MEX3A: variants seen among roughly 807,000 people sequenced by gnomAD.
The protein encoded by MEX3A is RNA-binding protein MEX3A.
In MEX3A, 4 loss-of-function variants were observed where a neutral mutation model predicts 30.0. The ratio of observed to expected loss-of-function variants is 0.13; its 90% CI spans 0.07 to 0.30. The LOEUF (loss-of-function observed/expected upper bound fraction) is 0.30. MEX3A is among the 10% of genes least tolerant of loss of function. The pLI, the probability that MEX3A is intolerant of heterozygous loss-of-function variation, is 1.00. For missense variants in MEX3A, 555 were observed against 736.7 expected (o/e 0.75, Z 2.86); for synonymous variants, 335 against 327.6 (o/e 1.02, Z -0.24).
Position 156,072,703 on chromosome 1 carries a change from T to C in MEX3A, c.*3871A>G, listed in dbSNP as rs557685809. On this transcript the variant is annotated 3_prime_UTR_variant, in exon 2 of 2. Coordinates refer to ENST00000532414, the MANE Select transcript of MEX3A (RefSeq NM_001093725.2). ...AGGCCAGGGTACAGTAGATGACCCC[T>C]ACCTGAACACATATAGATGGAGGTG... The C allele has an allele frequency of 8.5e-5, 13 of 152,906 alleles. No individual in the cohort carries two copies. Among genetic ancestry groups the C allele is most frequent in the African/African-American group, 2.9e-4 (12 of 41,582 alleles). 9.5% of individuals were successfully genotyped at this position (152,906 alleles called of 1,614,324 possible). A position where few individuals can be genotyped will look rare whatever the true frequency, so the allele number is the denominator to read the frequency against.
Position 156,073,716 on chromosome 1 carries a change from TTC to T in MEX3A, c.*2856_*2857del, listed in dbSNP as rs1431129126. ...TTAAACCCCTCGGTTTCTCTTTTTC[TTC>T]TCTTTCTCTCTTGTTTTTGGTTAAA... On this transcript the variant is annotated 3_prime_UTR_variant, in exon 2 of 2. Transcript: ENST00000532414. 2.0e-5 allele frequency: 3 copies of T among 152,206 alleles called. No individual in the cohort carries two copies. Among genetic ancestry groups the T allele is most frequent in the South Asian group, 2.1e-4 (1 of 4,830 alleles). 9.4% of individuals were successfully genotyped at this position (152,206 alleles called of 1,614,324 possible). A position where few individuals can be genotyped will look rare whatever the true frequency, so the allele number is the denominator to read the frequency against.
At position 156,076,937 on chromosome 1, in the gene MEX3A, G is replaced by A. The variant is rs770964794; in HGVS notation, c.1200C>T (p.Pro400=). 6.2e-7 allele frequency: 1 copy of A among 1,603,836 alleles called. No homozygotes were observed. Among genetic ancestry groups the A allele is most frequent in the Non-Finnish European group, 8.5e-7 (1 of 1,175,232 alleles). ...AGGCAGAGGAGAAGAGCACGGAGGT[G>A]GGCGTGGCGTTCTCCTGGCCCGCCC... ...PLWAGQENAT[P]TSVLFSSASS... is the part of the protein sequence containing the mutation. The change falls in exon 2 of 2, where the codon CCC becomes CCT. Residue 400 remains proline, a synonymous_variant. Transcript: ENST00000532414. This position sits in a 1 kb window ranked among gnomAD's most constrained non-coding sequence, Gnocchi z 6.0.
At position 156,081,770 on chromosome 1, in the gene MEX3A, G is replaced by T. The variant is rs1558102661; in HGVS notation, c.229C>A (p.Pro77Thr). 8.7e-6 allele frequency: 7 copies of T among 804,932 alleles called. No homozygotes were observed. Among genetic ancestry groups the T allele is most frequent in the Non-Finnish European group, 1.1e-5 (7 of 663,328 alleles). 49.9% of individuals were successfully genotyped at this position (804,932 alleles called of 1,614,324 possible). A position where few individuals can be genotyped will look rare whatever the true frequency, so the allele number is the denominator to read the frequency against. The change falls in exon 1 of 2, where the codon CCG becomes ACG. Residue 77 changes from proline to threonine, a missense_variant. This residue lies in a region of MEX3A where 159 missense variants were observed against 159.9 expected (regional missense o/e 0.99). Transcript: ENST00000532414. ...GGCGGCGGCGGCGGGGCCGGCTGCGGGGGGGCGGCCGGCTGCGCGGGGGCG... is the reference window on the plus strand; with the variant it reads ...GGCGGCGGCGGCGGGGCCGGCTGCGTGGGGGCGGCCGGCTGCGCGGGGGCG... ...GGAPAQPAAP[P>T]QPAPPPPPAA...
In MEX3A at chr1:156,076,816, G is replaced by A; in HGVS notation, c.1321C>T (p.Pro441Ser). Residue 441 changes from proline (P) to serine (S), a missense_variant, in exon 2 of 2, where the codon CCG (proline) becomes TCG (serine). Pro to Ser is a moderately conservative substitution (Grantham distance 74). Coordinates refer to ENST00000532414, the MANE Select transcript of MEX3A (RefSeq NM_001093725.2). The surrounding 1 kb of genome is among the most constrained non-coding windows in gnomAD (Gnocchi z 6.0). ...TSAGPELAGL[P>S]RRPPGEPLQG... ...AGCGGCTCTCCCGGGGGGCGCCTCG[G>A]GAGTCCGGCCAGCTCGGGTCCCGCG... The A allele has an allele frequency of 1.9e-6, 3 of 1,555,166 alleles. No homozygotes were observed. Among genetic ancestry groups the A allele is most frequent in the Non-Finnish European group, 2.6e-6 (3 of 1,149,642 alleles).
rs1648006639 is a variant in MEX3A, at chr1:156,074,569, T to C, written c.*2005A>G. The C allele has an allele frequency of 6.5e-6, 1 of 152,862 alleles. No individual in the cohort carries two copies. Among genetic ancestry groups the C allele is most frequent in the African/African-American group, 2.4e-5 (1 of 41,560 alleles). 9.5% of individuals were successfully genotyped at this position (152,862 alleles called of 1,614,324 possible). A position where few individuals can be genotyped will look rare whatever the true frequency, so the allele number is the denominator to read the frequency against. ...TTGGTAAGGGTGGGATTGAATTTGC[T>C]GAGCCCCCTAGTGTAACAGTCTTCT... On this transcript the variant is annotated 3_prime_UTR_variant, in exon 2 of 2. Transcript: ENST00000532414.
chr1:156,077,182 C>A lies in MEX3A; in HGVS notation c.955G>T (p.Asp319Tyr), dbSNP rs1167253627. 6.2e-7 allele frequency: 1 copy of A among 1,613,360 alleles called. No individual in the cohort carries two copies. Among genetic ancestry groups the A allele is most frequent in the Non-Finnish European group, 8.5e-7 (1 of 1,179,840 alleles). Residue 319 changes from aspartate (D) to tyrosine (Y), a missense_variant, in exon 2 of 2, where the codon GAC becomes TAC. Around this residue, in one of 6 missense-constraint regions of MEX3A, gnomAD observed 281 missense variants for 265.1 expected, o/e 1.06. Transcript: ENST00000532414. This position sits in a 1 kb window ranked among gnomAD's most constrained non-coding sequence, Gnocchi z 8.3. ...PDAAIDSRYS[D>Y]AWRVHQPGCK... ...CCGGGCTGGTGCACCCGCCAGGCGT[C>A]GGAGTAGCGGCTATCGATTGCTGCG...
At chr1:156,081,499 G>A (rs1267807155) in intron 1 of MEX3A, 46 bp downstream of exon 1, 1 of 1,507,554 alleles carries the variant, frequency 6.6e-7, no homozygotes, top group Non-Finnish European at 9.1e-7. Flanking sequence ...AGGGACGAGG[G>A]TGCCCCCACT....
At position 156,077,168 on chromosome 1, in the gene MEX3A, C is replaced by A; in HGVS notation, c.969G>T (p.Val323=). 1 of 1,613,440 alleles carries A rather than the reference C, an allele frequency of 6.2e-7. No individual in the cohort carries two copies. The highest frequency in any genetic ancestry group is 8.5e-7 in the Non-Finnish European group (1 of 1,179,824). Residue 323 remains valine (V), a synonymous_variant, in exon 2 of 2, where the codon GTG becomes GTT. Coordinates refer to ENST00000532414, the MANE Select transcript of MEX3A (RefSeq NM_001093725.2). This position sits in a 1 kb window ranked among gnomAD's most constrained non-coding sequence, Gnocchi z 8.3. ...AGAGGGGCTTGCAGCCGGGCTGGTG[C>A]ACCCGCCAGGCGTCGGAGTAGCGGC... ...IDSRYSDAWR[V]HQPGCKPLST... is the part of the protein sequence containing the mutation.
rs551750649 is a variant in MEX3A, at chr1:156,080,632, C to T, written c.454+913G>A. ...GCTCAATTTGGACCTTCACCAACAC[C>T]CCCACTCACCCACCCAGGGATGCTG... On this transcript the variant is annotated intron_variant, in intron 1 of 1. Transcript: ENST00000532414. Among the ~76,000 whole-genome samples the T allele has an allele frequency of 5.3e-5, 8 of 152,216 alleles. No homozygotes were observed. In the South Asian group the frequency reaches 1.4e-3, roughly 28 times the overall value.
At position 156,073,675 on chromosome 1, in the gene MEX3A, G is replaced by A. The variant is rs1218337028; in HGVS notation, c.*2899C>T. On this transcript the variant is annotated 3_prime_UTR_variant, in exon 2 of 2. Transcript: ENST00000532414. ...TATTATTATTAATAATTATTATTTT[G>A]TAGTATTCTTTTCTTTTAAACCCCT... 1 of 151,686 alleles carries A rather than the reference G, an allele frequency of 6.6e-6. No homozygotes were observed. The highest frequency in any genetic ancestry group is 1.9e-4 in the East Asian group (1 of 5,182). 9.4% of individuals were successfully genotyped at this position (151,686 alleles called of 1,614,324 possible).
chr1:156,082,062 AGAG>A lies in MEX3A; in HGVS notation c.-67_-65del. 1.8e-6 allele frequency: 1 copy of A among 544,118 alleles called. No individual in the cohort carries two copies. 33.7% of individuals were successfully genotyped at this position (544,118 alleles called of 1,614,324 possible). A position where few individuals can be genotyped will look rare whatever the true frequency, so the allele number is the denominator to read the frequency against. ...AGAGAGAGAGGTGGTGGAAGGGAAA[AGAG>A]GAGAGAGGAGGGGAGGGGAGAGGAG... On this transcript the variant is annotated 5_prime_UTR_variant, in exon 1 of 2. Coordinates refer to ENST00000532414, the MANE Select transcript of MEX3A (RefSeq NM_001093725.2).
intron 1 of MEX3A, among the ~76,000 whole-genome samples, chr1:156,078,996 C>T (rs1251968414): frequency 6.6e-6 from 1 of 152,148 alleles, no homozygotes; most frequent in Non-Finnish European, 1.5e-5. Context: ...CATATAGACC[C>T]ACTCACACCC....
In MEX3A at chr1:156,081,673, C is replaced by T; in HGVS notation, c.326G>A (p.Gly109Glu). Reference sequence around the variant, plus strand: ...AGCGCAGAGCTTGGCGTCGCTCGCCCCTTTGGGGGCGGTGGGGGGCTGGGG... The same window carrying T: ...AGCGCAGAGCTTGGCGTCGCTCGCCTCTTTGGGGGCGGTGGGGGGCTGGGG... Reference protein sequence around the residue: ...QTPQPPTAPKGASDAKLCALY... With the variant: ...QTPQPPTAPKEASDAKLCALY... The change falls in exon 1 of 2, where the codon GGG becomes GAG. Residue 109 changes from glycine to glutamate, a missense_variant. Gly to Glu is a moderately conservative substitution (Grantham distance 98). Around this residue, in one of 6 missense-constraint regions of MEX3A, gnomAD observed 159 missense variants for 159.9 expected, o/e 0.99. Coordinates refer to ENST00000532414, the MANE Select transcript of MEX3A (RefSeq NM_001093725.2). 1 of 1,490,600 alleles carries T rather than the reference C, an allele frequency of 6.7e-7. No individual in the cohort carries two copies. The highest frequency in any genetic ancestry group is 8.9e-7 in the Non-Finnish European group (1 of 1,120,060). 92.3% of individuals were successfully genotyped at this position (1,490,600 alleles called of 1,614,324 possible). A position where few individuals can be genotyped will look rare whatever the true frequency, so the allele number is the denominator to read the frequency against.
rs761731272 is a variant in MEX3A, at chr1:156,077,695, G to A, written c.455-13C>T. ...TTAATCTTGCAGCCTGGGATAGGGCGGGGAAGGAGAGAGACAAAGAAACGC... is the reference window on the plus strand; with the variant it reads ...TTAATCTTGCAGCCTGGGATAGGGCAGGGAAGGAGAGAGACAAAGAAACGC... On this transcript the variant is annotated splice_polypyrimidine_tract_variant and intron_variant, in intron 1 of 1. Transcript: ENST00000532414. This position sits in a 1 kb window ranked among gnomAD's most constrained non-coding sequence, Gnocchi z 8.3. 7 of 1,563,424 alleles carry A rather than the reference G, an allele frequency of 4.5e-6. No homozygotes were observed. The South Asian group carries it at 7.0e-5, about 16-fold the overall frequency.
rs1409662017 is a variant in MEX3A, at chr1:156,082,017, GGAGAGAGAGA to G, written c.-29_-20del. On this transcript the variant is annotated 5_prime_UTR_variant, in exon 1 of 2. Transcript: ENST00000532414. ...TAGGCATGGCGAAACAAAAGCTGGG[GGAGAGAGAGA>G]GGGAGAGAGAGAGAGAGAGGTGGTG... The G allele has an allele frequency of 7.0e-7, 1 of 1,429,262 alleles. No homozygotes were observed. Among genetic ancestry groups the G allele is most frequent in the Non-Finnish European group, 9.3e-7 (1 of 1,073,936 alleles). The allele number at this position is 1,429,262 out of a possible 1,614,324, so 88.5% of individuals were successfully genotyped here. A position where few individuals can be genotyped will look rare whatever the true frequency, so the allele number is the denominator to read the frequency against.
rs1045511256 is a variant in MEX3A, at chr1:156,074,386, T to C, written c.*2188A>G. ...TAAACGCCTTTATTAAAATAGAATA[T>C]TAAATTATAAAGAACTGCTTTTTTT... On this transcript the variant is annotated 3_prime_UTR_variant, in exon 2 of 2. Transcript: ENST00000532414. The C allele has an allele frequency of 1.4e-4, 21 of 152,134 alleles. No individual in the cohort carries two copies. The highest frequency in any genetic ancestry group is 2.9e-4 in the Non-Finnish European group (20 of 67,952). The allele number at this position is 152,134 out of a possible 1,614,324, so 9.4% of individuals were successfully genotyped here. A position where few individuals can be genotyped will look rare whatever the true frequency, so the allele number is the denominator to read the frequency against.
Position 156,077,254 on chromosome 1 carries a change from T to A in MEX3A, c.883A>T (p.Ile295Phe). The A allele has an allele frequency of 1.2e-6, 2 of 1,613,850 alleles. No individual in the cohort carries two copies. Among genetic ancestry groups the A allele is most frequent in the Non-Finnish European group, 8.5e-7 (1 of 1,179,846 alleles). The change falls in exon 2 of 2, where the codon ATC becomes TTC. Residue 295 changes from isoleucine (I) to phenylalanine (F), a missense_variant. Around this residue, in one of 6 missense-constraint regions of MEX3A, gnomAD observed 281 missense variants for 265.1 expected, o/e 1.06. Transcript: ENST00000532414. The surrounding 1 kb of genome is among the most constrained non-coding windows in gnomAD (Gnocchi z 8.3). Reference protein sequence around the residue: ...ETHIAVRTGKILEYNNENDFL... With the variant: ...ETHIAVRTGKFLEYNNENDFL... The stretch of plus-strand genomic sequence containing the variant: ...TCGTTTTCATTGTTGTACTCGAGGA[T>A]CTTGCCAGTGCGCACCGCGATGTGC...
At chr1:156,081,139 G>C (rs1648217924) in intron 1 of MEX3A, among the ~76,000 whole-genome samples, 1 of 152,096 alleles carries the variant, frequency 6.6e-6, no homozygotes, top group Non-Finnish European at 1.5e-5. Context: ...AGGCGGCTGG[G>C]GGCCCCAGGG....
In MEX3A at chr1:156,076,838, C is replaced by G; in HGVS notation, c.1299G>C (p.Ala433=). 6.5e-7 allele frequency: 1 copy of G among 1,547,078 alleles called. No homozygotes were observed. The highest frequency in any genetic ancestry group is 1.2e-5 in the South Asian group (1 of 83,624). The change falls in exon 2 of 2, where the codon GCG becomes GCC. Residue 433 remains alanine, a synonymous_variant. Coordinates refer to ENST00000532414, the MANE Select transcript of MEX3A (RefSeq NM_001093725.2). The surrounding 1 kb of genome is among the most constrained non-coding windows in gnomAD (Gnocchi z 6.0). The part of the protein sequence containing the change: ...PGAHRSPATS[A]GPELAGLPRR... Reference sequence around the variant, plus strand: ...TCGGGAGTCCGGCCAGCTCGGGTCCCGCGGAAGTGGCAGGGGAGCGGTGTG... The same window carrying G: ...TCGGGAGTCCGGCCAGCTCGGGTCCGGCGGAAGTGGCAGGGGAGCGGTGTG...
Sources: allele counts gnomAD v4.1 joint callset (sites outside exome capture counted in the v4.1 genomes callset), GRCh38; gene constraint gnomAD v4.1.1; regional missense constraint gnomAD v4.1.1; non-coding constraint Gnocchi (gnomAD v3.1); transcripts MANE v1.5; gene names NCBI Gene and HGNC (gene_info 2026-07-23, HGNC 2026-07-21).